The following TYR variants were observed in gnomAD, a reference collection of about 807,000 sequenced individuals.
The protein encoded by TYR is tyrosinase, also known as LB24-AB.
In TYR, 58 loss-of-function variants were observed where a neutral mutation model predicts 51.5. That is an observed-to-expected ratio of 1.13 (90% confidence interval 0.91 to 1.40). The LOEUF (loss-of-function observed/expected upper bound fraction) is 1.40. Among genes scored for constraint, TYR ranks in the 40% most tolerant of loss-of-function variants. The pLI is 0.00. For missense variants in TYR, 732 were observed against 647.4 expected (o/e 1.13, Z -1.42); for synonymous variants, 263 against 235.2 (o/e 1.12, Z -1.08).
intron 1 of TYR, 80 bp from the exon 2 acceptor site, chr11:89,191,122 T>C (rs1943437539): frequency 8.0e-7 from 1 of 1,257,076 alleles, no homozygotes; most frequent in Admixed American, 1.7e-5. Flanking sequence ...CAACGATAAT[T>C]AGGAGTTCCA....
intron 3 of TYR, among the ~76,000 whole-genome samples, chr11:89,261,680 G>C (rs1259858244): frequency 6.6e-6 from 1 of 152,052 alleles, no homozygotes; most frequent in African/African-American, 2.4e-5. Context: ...GAAAAAACTT[G>C]CGCAATACTA....
At chr11:89,246,704 C>T (rs1944271929) in intron 3 of TYR, among the ~76,000 whole-genome samples, 1 of 152,072 alleles carries the variant, frequency 6.6e-6, no homozygotes, top group African/African-American at 2.4e-5. Context: ...CCAAGCCTCC[C>T]CTTGGCCATC....
chr11:89,280,281 C>A (rs1944706131), intron 3 of TYR, among the ~76,000 whole-genome samples: 1 of 151,620 alleles, frequency 6.6e-6, no homozygotes, highest in Admixed American at 6.6e-5. Flanking sequence ...CTTCTTCTGG[C>A]ATTCCAATTA....
At chr11:89,231,316 G>A (rs1423037940) in intron 3 of TYR, among the ~76,000 whole-genome samples, 2 of 145,624 alleles carry the variant, frequency 1.4e-5, no homozygotes, top group Non-Finnish European at 3.0e-5. Flanking sequence ...TCCTGGGCAT[G>A]TATCGAAAGG....
At chr11:89,191,675 A>G (rs1298915198) in intron 2 of TYR, among the ~76,000 whole-genome samples, 1 of 152,094 alleles carries the variant, frequency 6.6e-6, no homozygotes, top group African/African-American at 2.4e-5. Context: ...CAGGTGGATC[A>G]CTTGAACTCA....
chr11:89,189,683 G>A (rs190596905), intron 1 of TYR, among the ~76,000 whole-genome samples: 90 of 152,140 alleles, frequency 5.9e-4, no homozygotes, highest in African/African-American at 2.0e-3. Flanking sequence ...TATATAATAG[G>A]TGTTTAATAA....
chr11:89,294,805 G>A (rs1944888385), intron 4 of TYR, among the ~76,000 whole-genome samples: 1 of 152,066 alleles, frequency 6.6e-6, no homozygotes, highest in African/African-American at 2.4e-5. Context: ...ATTGATAATC[G>A]GAATAGTTAC....
chr11:89,240,783 G>C (rs1479162669), intron 3 of TYR, among the ~76,000 whole-genome samples: 5 of 152,084 alleles, frequency 3.3e-5, no homozygotes, highest in Admixed American at 6.6e-5. Flanking sequence ...TCTTTATTGG[G>C]ATTTTTAGTT....
intron 3 of TYR, among the ~76,000 whole-genome samples, chr11:89,246,724 A>C (rs530954890): frequency 6.6e-6 from 1 of 152,180 alleles, no homozygotes; most frequent in South Asian, 2.1e-4. Flanking sequence ...CCTGCTAAGA[A>C]GACTGTCCTA....
intron 3 of TYR, among the ~76,000 whole-genome samples, chr11:89,238,470 T>A (rs10765199): frequency 0.34 from 52,281 of 152,024 alleles, 10,017 homozygotes; most frequent in African/African-American, 0.52. Context: ...AGTCATTTTT[T>A]AATTTTTAAT....
Position 89,205,834 on chromosome 11 carries a change from A to G in TYR, c.1036+14416A>G, listed in dbSNP as rs546871973. On this transcript the variant is annotated intron_variant, in intron 2 of 4. Transcript: ENST00000263321. ...AACAGACTTCTGTTGAGTTTTCTAA[A>G]TTGTGATTTAATGGTTGAAACAAAA... 1.7e-4 allele frequency among the ~76,000 whole-genome samples: 26 copies of G among 152,316 alleles called. 1 individual carries two copies. The South Asian group carries it at 2.7e-3, about 16-fold the overall frequency.
chr11:89,205,348 A>C (rs1247465739), intron 2 of TYR, among the ~76,000 whole-genome samples: 1 of 152,158 alleles, frequency 6.6e-6, no homozygotes, highest in East Asian at 1.9e-4. Flanking sequence ...AACTCAATGA[A>C]ATAGTGACTG....
chr11:89,248,127 T>C (rs1160273474), intron 3 of TYR, among the ~76,000 whole-genome samples: 2 of 152,174 alleles, frequency 1.3e-5, no homozygotes, highest in Non-Finnish European at 2.9e-5. Context: ...GTGCTAATAT[T>C]TGTAGCCATC....
At chr11:89,252,432 TGAGCCCACC>T (rs1944340805) in intron 3 of TYR, among the ~76,000 whole-genome samples, 1 of 151,644 alleles carries the variant, frequency 6.6e-6, no homozygotes, top group Non-Finnish European at 1.5e-5. Flanking sequence ...ATGAAAGACT[TGAGCCCACC>T]CAAGGCTAGG....
chr11:89,186,660 C>A (rs116254861), intron 1 of TYR, among the ~76,000 whole-genome samples: 2,538 of 152,238 alleles, frequency 0.017, 62 homozygotes, highest in African/African-American at 0.057. Flanking sequence ...AGGCTGGCTG[C>A]ACCTTAGCAC....
At chr11:89,191,897 A>G in intron 2 of TYR, 1 of 310,926 alleles carries the variant, frequency 3.2e-6, no homozygotes. Flanking sequence ...TTAAAAGAGA[A>G]AAATTAATTT....
intron 2 of TYR, among the ~76,000 whole-genome samples, chr11:89,213,091 C>A (rs1943783108): frequency 6.6e-6 from 1 of 151,786 alleles, no homozygotes; most frequent in Admixed American, 6.6e-5. Flanking sequence ...CTGGCCAGGA[C>A]AATCAGGCAA....
chr11:89,266,049 T>C (rs1944523130), intron 3 of TYR, among the ~76,000 whole-genome samples: 3 of 151,996 alleles, frequency 2.0e-5, no homozygotes, highest in African/African-American at 7.2e-5. Flanking sequence ...ATCGATCTTT[T>C]CTTGGGCTCC....
intron 3 of TYR, among the ~76,000 whole-genome samples, chr11:89,238,536 G>T (rs10765201): frequency 6.6e-6 from 1 of 151,810 alleles, no homozygotes; most frequent in East Asian, 1.9e-4. Context: ...TCTGCAAACC[G>T]GGACCATTTA....
Sources: allele counts gnomAD v4.1 joint callset (sites outside exome capture counted in the v4.1 genomes callset), GRCh38; gene constraint gnomAD v4.1.1; transcripts MANE v1.5; gene names NCBI Gene and HGNC (gene_info 2026-07-23, HGNC 2026-07-21).